SHROOM4: variants seen among roughly 807,000 people sequenced by gnomAD.
The protein encoded by SHROOM4 is shroom family member 4.
Under a neutral mutation model 80.3 loss-of-function variants are expected in SHROOM4, and 17 were observed. The ratio of observed to expected loss-of-function variants is 0.21; its 90% CI spans 0.14 to 0.32. SHROOM4 has a LOEUF of 0.32. Ranked by LOEUF, SHROOM4 falls within the 10% of genes least tolerant of loss-of-function variation. The probability of loss-of-function intolerance (pLI) is 1.00; values close to 1 mark genes in which losing one functional copy is unlikely to be tolerated. For missense variants in SHROOM4, 993 were observed against 1,140.3 expected, an observed-to-expected ratio of 0.87 and a Z score of 1.86; for synonymous variants, 400 against 437.5, an observed-to-expected ratio of 0.91 and a Z score of 1.07.
chrX:50,624,643 C>T (rs1930722827), intron 5 of SHROOM4, among the ~76,000 whole-genome samples: 2 of 96,736 alleles, frequency 2.1e-5, no homozygotes, highest in Admixed American at 1.2e-4. Flanking sequence ...GACAGGGTCT[C>T]GCTCTGTCAC....
chrX:50,632,879 A>G (rs1333199572), intron 4 of SHROOM4, among the ~76,000 whole-genome samples: 1 of 111,701 alleles, frequency 9.0e-6, no homozygotes, highest in Non-Finnish European at 1.9e-5. Context: ...ACATACTTCA[A>G]ATTTGTGTGG....
At chrX:50,646,415 A>G (rs2147329300) in intron 2 of SHROOM4, among the ~76,000 whole-genome samples, 1 of 110,015 alleles carries the variant, frequency 9.1e-6, no homozygotes, top group African/African-American at 3.3e-5. Flanking sequence ...CCTGGTCACC[A>G]TGGAGGGACA....
At chrX:50,651,563 G>C (rs1359418479) in intron 2 of SHROOM4, among the ~76,000 whole-genome samples, 5 of 111,674 alleles carry the variant, frequency 4.5e-5, no homozygotes, top group African/African-American at 1.6e-4. Context: ...AACTCTGGGG[G>C]TGGGGCCCAG....
chrX:50,718,710 G>C (rs1249990690), intron 1 of SHROOM4, among the ~76,000 whole-genome samples: 1 of 111,677 alleles, frequency 9.0e-6, no homozygotes, highest in Non-Finnish European at 1.9e-5. Flanking sequence ...AAGTCAGGCA[G>C]ATAAGTAGGA....
chrX:50,586,774 C>A (rs1370773131), downstream of SHROOM4, among the ~76,000 whole-genome samples: 1 of 112,144 alleles, frequency 8.9e-6, no homozygotes, highest in East Asian at 2.8e-4. Flanking sequence ...AATCTCATCA[C>A]AAATCCTATG....
At chrX:50,598,189 C>T in intron 8 of SHROOM4, 77 bp downstream of exon 8, 2 of 1,172,603 alleles carry the variant, frequency 1.7e-6, no homozygotes, top group Non-Finnish European at 2.3e-6. Context: ...CTATAGTAGC[C>T]CAACTTGAAA....
At chrX:50,783,493 T>A (rs1316874566) in intron 1 of SHROOM4, among the ~76,000 whole-genome samples, 1 of 111,664 alleles carries the variant, frequency 9.0e-6, no homozygotes, top group Non-Finnish European at 1.9e-5. Context: ...GCATTAATTC[T>A]CCTCCAAACT....
intron 1 of SHROOM4, among the ~76,000 whole-genome samples, chrX:50,792,443 T>C (rs1317283820): frequency 1.8e-5 from 2 of 108,504 alleles, no homozygotes; most frequent in Non-Finnish European, 3.8e-5. Context: ...GCAGCAGAGG[T>C]TACAGTGAGC....
rs1291315315 is a variant in SHROOM4 at position 50,634,838 on chromosome X, G to A, written c.1235C>T (p.Ala412Val). 1 of 1,207,117 alleles carries A rather than the reference G, an allele frequency of 8.3e-7. No individual in the cohort carries two copies. Among genetic ancestry groups the A allele is most frequent in the Non-Finnish European group, 1.1e-6 (1 of 893,559 alleles). Residue 412 changes from alanine (A) to valine (V), a missense_variant, in exon 4 of 9, where the codon GCC becomes GTC. Physicochemically the swap from Ala to Val is moderately conservative, Grantham distance 64. Transcript: ENST00000376020. ...LIGPTGHRHS[A>V]PEQLLASHLQ... ...GTGGGATGCCAGCAGCTGTTCAGGG[G>A]CACTATGGCGATGCCCTGTGGGTCC...
the SHROOM4 span, among the ~76,000 whole-genome samples, chrX:50,580,433 C>T: frequency 1.8e-5 from 2 of 112,105 alleles, no homozygotes; most frequent in South Asian, 3.8e-4. Context: ...ATTTGGTCAT[C>T]CAAGATTGGT....
rs1569546180 is a variant in SHROOM4 at position 50,590,256 on chromosome X, C to CA, written c.*6438_*6439insT. 9.1e-6 allele frequency among the ~76,000 whole-genome samples: 1 copy of CA among 110,296 alleles called. No homozygotes were observed. Among genetic ancestry groups the CA allele is most frequent in the East Asian group, 2.9e-4 (1 of 3,496 alleles). On this transcript the variant is annotated 3_prime_UTR_variant, in exon 9 of 9. Coordinates refer to ENST00000376020, the MANE Select transcript of SHROOM4 (RefSeq NM_020717.5). ...GAAGGGGAAGAGACCAGATCCCTTT[C>CA]TTTTTTTTGAGACAGAATCTCGCTC...
At chrX:50,746,704 C>A (rs17249367) in intron 1 of SHROOM4, among the ~76,000 whole-genome samples, 3,219 of 112,012 alleles carry the variant, frequency 0.029, 49 homozygotes, top group Middle Eastern at 0.069. Context: ...TAGGTACCAG[C>A]AAGGGCTATT....
the SHROOM4 span, among the ~76,000 whole-genome samples, chrX:50,580,006 C>A: frequency 1.8e-5 from 2 of 111,576 alleles, no homozygotes; most frequent in Non-Finnish European, 3.8e-5. Context: ...CTCCAGTCCC[C>A]ATTCTTCCTT....
intron 1 of SHROOM4, among the ~76,000 whole-genome samples, chrX:50,696,937 T>C (rs1490991976): frequency 8.9e-6 from 1 of 112,193 alleles, no homozygotes; most frequent in Admixed American, 9.4e-5. Context: ...TCATTTTTAT[T>C]ACATTCCTTT....
chrX:50,657,782 GA>G (rs200698829), intron 2 of SHROOM4, among the ~76,000 whole-genome samples: 144 of 104,662 alleles, frequency 1.4e-3, no homozygotes, highest in East Asian at 9.2e-3. Flanking sequence ...ATTGCTTTGG[GA>G]AAAAAAAAAG....
intron 5 of SHROOM4, among the ~76,000 whole-genome samples, chrX:50,609,553 G>T (rs1172230046): frequency 1.8e-5 from 2 of 110,510 alleles, no homozygotes; most frequent in African/African-American, 6.6e-5. Flanking sequence ...CCAAAAAGGA[G>T]ATAAAGAAAT....
intron 1 of SHROOM4, among the ~76,000 whole-genome samples, chrX:50,749,380 T>C (rs994874379): frequency 4.5e-5 from 5 of 112,231 alleles, no homozygotes; most frequent in African/African-American, 6.5e-5. Context: ...CATCTTATTA[T>C]ATGCCGGGCT....
At chrX:50,787,743 A>G (rs139819083) in intron 1 of SHROOM4, among the ~76,000 whole-genome samples, 3,061 of 97,740 alleles carry the variant, frequency 0.031, 52 homozygotes, top group Middle Eastern at 0.057. Context: ...CTTGCAGACC[A>G]GAAGATGATA....
intron 1 of SHROOM4, among the ~76,000 whole-genome samples, chrX:50,747,159 A>T (rs1236168335): frequency 8.9e-6 from 1 of 111,829 alleles, no homozygotes; most frequent in East Asian, 2.8e-4. Context: ...CCCTCTATCC[A>T]CTGTACTATA....
Sources: allele counts gnomAD v4.1 joint callset (sites outside exome capture counted in the v4.1 genomes callset), GRCh38; gene constraint gnomAD v4.1.1; transcripts MANE v1.5; gene names NCBI Gene and HGNC (gene_info 2026-07-23, HGNC 2026-07-21).